The following STAT3 variants were observed in gnomAD, a reference collection of about 807,000 sequenced individuals.
STAT3 encodes the protein DNA-binding protein APRF.
In STAT3, 7 loss-of-function variants were observed where a neutral mutation model predicts 114.3. The ratio of observed to expected loss-of-function variants is 0.06; its 90% CI spans 0.03 to 0.11. STAT3 has a LOEUF of 0.11. Among genes scored for constraint, STAT3 ranks in the 10% least tolerant of loss-of-function variants. The probability of loss-of-function intolerance (pLI) is 1.00; values close to 1 mark genes in which losing one functional copy is unlikely to be tolerated. For missense variants in STAT3, 364 were observed against 960.9 expected (o/e 0.38, Z 8.21); for synonymous variants, 331 against 354.5 (o/e 0.93, Z 0.74).
intron 10 of STAT3, among the ~76,000 whole-genome samples, chr17:42,332,719 G>A (rs975878091): frequency 1.3e-5 from 2 of 151,530 alleles, no homozygotes; most frequent in Non-Finnish European, 2.9e-5. Context: ...GGAGTGTGCC[G>A]GTCCAGCTAC....
intron 1 of STAT3, among the ~76,000 whole-genome samples, chr17:42,377,591 C>T (rs1271422344): frequency 6.6e-6 from 1 of 152,092 alleles, no homozygotes; most frequent in Non-Finnish European, 1.5e-5. Context: ...ACTAGCTGTC[C>T]CTGGGAAAGA....
intron 21 of STAT3, among the ~76,000 whole-genome samples, chr17:42,320,603 G>A (rs1191336076): frequency 6.6e-6 from 1 of 151,920 alleles, no homozygotes; most frequent in Non-Finnish European, 1.5e-5. Flanking sequence ...GGTGGCACAA[G>A]CCCATAATCC....
At chr17:42,361,293 C>T (rs1380125628) in intron 1 of STAT3, among the ~76,000 whole-genome samples, 1 of 151,964 alleles carries the variant, frequency 6.6e-6, no homozygotes. Context: ...CCAGCCTGAC[C>T]AACACTGTGA....
At chr17:42,321,114 C>T (rs573293818) in intron 21 of STAT3, among the ~76,000 whole-genome samples, 3 of 110,142 alleles carry the variant, frequency 2.7e-5, no homozygotes, top group Admixed American at 9.3e-5. Flanking sequence ...ATTTCTCTCT[C>T]TTTTTTTTTT....
At chr17:42,336,492 G>A (rs1335648497) in intron 8 of STAT3, among the ~76,000 whole-genome samples, 1 of 151,992 alleles carries the variant, frequency 6.6e-6, no homozygotes, top group Non-Finnish European at 1.5e-5. Flanking sequence ...CAGCTACTGA[G>A]AAGGCTAAGG....
At chr17:42,378,290 G>A (rs1372054068) in intron 1 of STAT3, among the ~76,000 whole-genome samples, 1 of 151,958 alleles carries the variant, frequency 6.6e-6, no homozygotes, top group African/African-American at 2.4e-5. Context: ...CTGTTGCCCA[G>A]GCTGGAGTGC....
At chr17:42,335,862 C>G (rs991115869) in intron 8 of STAT3, among the ~76,000 whole-genome samples, 1 of 151,366 alleles carries the variant, frequency 6.6e-6, no homozygotes, top group Non-Finnish European at 1.5e-5. Context: ...GACTCTGTCT[C>G]AAAAAAATTA....
chr17:42,336,308 G>T (rs2082226529), intron 8 of STAT3, among the ~76,000 whole-genome samples: 1 of 152,148 alleles, frequency 6.6e-6, no homozygotes, highest in African/African-American at 2.4e-5. Context: ...TATAAAGGAA[G>T]ATCCTGGGCT....
chr17:42,379,944 G>A (rs1381088028), intron 1 of STAT3, among the ~76,000 whole-genome samples: 1 of 151,878 alleles, frequency 6.6e-6, no homozygotes. Context: ...CTCTCCTTTG[G>A]GTCATTAGTG....
chr17:42,354,493 A>C (rs2083131303), intron 1 of STAT3, among the ~76,000 whole-genome samples: 3 of 151,334 alleles, frequency 2.0e-5, no homozygotes, highest in Admixed American at 2.0e-4. Context: ...AACAGAAACC[A>C]GCTAGTAGTT....
At chr17:42,331,911 G>C (rs1048265574) in intron 10 of STAT3, among the ~76,000 whole-genome samples, 3 of 151,912 alleles carry the variant, frequency 2.0e-5, no homozygotes, top group African/African-American at 7.3e-5. Flanking sequence ...CTAGATGACA[G>C]AGCGAGATCC....
rs369339037 is a variant in STAT3, at chr17:42,316,597, G to A, written c.2257+192C>T. On this transcript the variant is annotated intron_variant, in intron 23 of 23. Transcript: ENST00000264657. ...AAAATATATTGTAAAAATTAAGTTCGTCTATTTCCAGTGTGGCTGCTAGAA... is the reference window on the plus strand; with the variant it reads ...AAAATATATTGTAAAAATTAAGTTCATCTATTTCCAGTGTGGCTGCTAGAA... 2,562 of 1,414,792 alleles carry A rather than the reference G, an allele frequency of 1.8e-3. 45 individuals are homozygous for A. In the South Asian group the frequency reaches 0.03, roughly 17 times the overall value. 87.6% of individuals were successfully genotyped at this position (1,414,792 alleles called of 1,614,324 possible).
intron 1 of STAT3, among the ~76,000 whole-genome samples, chr17:42,349,139 C>A (rs941274856): frequency 6.6e-6 from 1 of 152,218 alleles, no homozygotes; most frequent in African/African-American, 2.4e-5. Flanking sequence ...GCTGGGATTA[C>A]ATATGTGAGC....
At chr17:42,371,381 C>A (rs1176908943) in intron 1 of STAT3, among the ~76,000 whole-genome samples, 1 of 151,758 alleles carries the variant, frequency 6.6e-6, no homozygotes, top group East Asian at 1.9e-4. Context: ...ACAGTAAAAG[C>A]CAAAACAGGC....
intron 15 of STAT3, 60 bp from the exon 16 acceptor site, chr17:42,325,121 C>G: frequency 6.6e-7 from 1 of 1,510,016 alleles, no homozygotes; most frequent in Non-Finnish European, 9.2e-7. Context: ...CCTTGGAAAT[C>G]TCTTCACCCG....
chr17:42,318,433 C>T (rs1373075979), intron 21 of STAT3, among the ~76,000 whole-genome samples: 5 of 152,092 alleles, frequency 3.3e-5, no homozygotes, highest in African/African-American at 9.7e-5. Flanking sequence ...GCCTTGGCCA[C>T]AATGCCCAGC....
At position 42,337,156 on chromosome 17, in the gene STAT3, G is replaced by A. The variant is rs2082262955; in HGVS notation, c.797+279C>T. Reference sequence around the variant, plus strand: ...CACCACGCCCGGCTAATTTTTTTATGTTTTTAGTAGAGATGTGTTTTCACC... The same window carrying A: ...CACCACGCCCGGCTAATTTTTTTATATTTTTAGTAGAGATGTGTTTTCACC... On this transcript the variant is annotated intron_variant, in intron 8 of 23. Coordinates refer to ENST00000264657, the MANE Select transcript of STAT3 (RefSeq NM_139276.3). The surrounding 1 kb of genome is among the most constrained non-coding windows in gnomAD (Gnocchi z 4.0). Among the ~76,000 whole-genome samples the A allele has an allele frequency of 6.6e-6, 1 of 151,780 alleles. No homozygotes were observed. Among genetic ancestry groups the A allele is most frequent in the African/African-American group, 2.4e-5 (1 of 41,324 alleles).
At chr17:42,366,660 G>T (rs911667284) in intron 1 of STAT3, among the ~76,000 whole-genome samples, 7 of 95,742 alleles carry the variant, frequency 7.3e-5, no homozygotes, top group Admixed American at 3.5e-4. Context: ...GACAGAGTAA[G>T]ATCCTGTCTC....
rs770170991 is a variant in STAT3 at position 42,326,161 on chromosome 17, G to C, written c.1320C>G (p.Thr440=). 1 of 1,614,002 alleles carries C rather than the reference G, an allele frequency of 6.2e-7. No homozygotes were observed. The highest frequency in any genetic ancestry group is 1.1e-5 in the South Asian group (1 of 91,080). ...LIVTEELHLI[T]FETEVYHQGL... is the part of the protein sequence containing the mutation. ...CTTGGTGATACACCTCGGTCTCAAA[G>C]GTGATCAGGTGCAGCTCCTCAGTCA... The change falls in exon 15 of 24, where the codon ACC becomes ACG. Residue 440 remains threonine (T), a synonymous_variant. Coordinates refer to ENST00000264657, the MANE Select transcript of STAT3 (RefSeq NM_139276.3).
Sources: allele counts gnomAD v4.1 joint callset (sites outside exome capture counted in the v4.1 genomes callset), GRCh38; gene constraint gnomAD v4.1.1; non-coding constraint Gnocchi (gnomAD v3.1); transcripts MANE v1.5; gene names NCBI Gene and HGNC (gene_info 2026-07-23, HGNC 2026-07-21).